SHCBP1: variants seen among roughly 807,000 people sequenced by gnomAD.
SHCBP1 encodes SHC binding and spindle associated 1, also known as SHC SH2 domain-binding protein 1.
In SHCBP1, 60 loss-of-function variants were observed where a neutral mutation model predicts 75.1. The ratio of observed to expected loss-of-function variants is 0.80; its 90% CI spans 0.65 to 0.99. The LOEUF (loss-of-function observed/expected upper bound fraction) is 0.99, where lower values mean the gene tolerates loss of function less well. Ranked by LOEUF, SHCBP1 falls within the 50% of genes least tolerant of loss-of-function variation. The probability of loss-of-function intolerance (pLI) is 0.00; values close to 1 mark genes in which losing one functional copy is unlikely to be tolerated. For synonymous variants in SHCBP1, 290 were observed against 293.2 expected (o/e 0.99, Z 0.11); for missense variants, 709 against 809.4 (o/e 0.88, Z 1.50).
At chr16:46,614,049 T>C (rs562535444) in intron 4 of SHCBP1, among the ~76,000 whole-genome samples, 24 of 152,336 alleles carry the variant, frequency 1.6e-4, no homozygotes, top group Admixed American at 1.4e-3. Flanking sequence ...TTATCAGTTA[T>C]CACTTTATCT....
intron 9 of SHCBP1, among the ~76,000 whole-genome samples, chr16:46,596,172 G>A (rs1315533788): frequency 6.6e-6 from 1 of 152,008 alleles, no homozygotes; most frequent in African/African-American, 2.4e-5. Context: ...TTTTACTGAA[G>A]GGTTAAGATT....
rs1055347375 is a variant in SHCBP1, at chr16:46,580,196, G to A, written c.*1533C>T. ...TTATCTTAAGGCATCACATCTAGAGGCAAAAATTAAAAAAAAGAATAAAAG... is the reference window on the plus strand; with the variant it reads ...TTATCTTAAGGCATCACATCTAGAGACAAAAATTAAAAAAAAGAATAAAAG... On this transcript the variant is annotated 3_prime_UTR_variant, in exon 13 of 13. Coordinates refer to ENST00000303383, the MANE Select transcript of SHCBP1 (RefSeq NM_024745.5). Among the ~76,000 whole-genome samples, 1 of 150,918 alleles carries A rather than the reference G, an allele frequency of 6.6e-6. No individual in the cohort carries two copies. Among genetic ancestry groups the A allele is most frequent in the African/African-American group, 2.4e-5 (1 of 41,022 alleles).
intron 1 of SHCBP1, among the ~76,000 whole-genome samples, chr16:46,618,974 C>G (rs1596693143): frequency 1.3e-5 from 2 of 152,326 alleles, no homozygotes; most frequent in Middle Eastern, 6.8e-3. Context: ...CTGACTTCCT[C>G]TCAGATGGGT....
chr16:46,616,498 T>C lies in SHCBP1; in HGVS notation c.388-344A>G, dbSNP rs1965502225. On this transcript the variant is annotated intron_variant, in intron 3 of 12. Transcript: ENST00000303383. This position sits in a 1 kb window ranked among gnomAD's most constrained non-coding sequence, Gnocchi z 4.4. Reference sequence around the variant, plus strand: ...AAGAGCTGGGAAAGCACAGAAGGCCTGTGGCAGAGACAGGCTTGGCAGCTG... The same window carrying C: ...AAGAGCTGGGAAAGCACAGAAGGCCCGTGGCAGAGACAGGCTTGGCAGCTG... Among the ~76,000 whole-genome samples the C allele has an allele frequency of 6.6e-6, 1 of 152,076 alleles. No homozygotes were observed. Among genetic ancestry groups the C allele is most frequent in the African/African-American group, 2.4e-5 (1 of 41,394 alleles).
chr16:46,608,587 A>G (rs1049277332), intron 4 of SHCBP1, among the ~76,000 whole-genome samples, 198 bp from the exon 5 acceptor site: 1 of 143,776 alleles, frequency 7.0e-6, no homozygotes, highest in African/African-American at 2.6e-5. Flanking sequence ...GTTTCTCCAC[A>G]CTGGTTTTGT....
chr16:46,595,320 G>T (rs1442008702), intron 10 of SHCBP1, among the ~76,000 whole-genome samples: 1 of 151,744 alleles, frequency 6.6e-6, no homozygotes, highest in Non-Finnish European at 1.5e-5. Flanking sequence ...TAATTTTAAG[G>T]GTCTAAACCT....
chr16:46,607,380 T>C (rs2143001011), intron 5 of SHCBP1, among the ~76,000 whole-genome samples: 1 of 152,248 alleles, frequency 6.6e-6, no homozygotes, highest in East Asian at 1.9e-4. Flanking sequence ...TCCTTCAGCC[T>C]CCCAAATTAC....
intron 8 of SHCBP1, among the ~76,000 whole-genome samples, chr16:46,602,319 A>G (rs1432747546): frequency 2.0e-5 from 3 of 152,206 alleles, no homozygotes; most frequent in Non-Finnish European, 4.4e-5. Context: ...TTACACACAT[A>G]AAATAAAAAA....
chr16:46,598,370 A>T (rs1425459892), intron 9 of SHCBP1, among the ~76,000 whole-genome samples: 1 of 152,240 alleles, frequency 6.6e-6, no homozygotes, highest in Non-Finnish European at 1.5e-5. Context: ...TATTATTAGC[A>T]GGCATGAAAA....
chr16:46,603,916 A>G, intron 7 of SHCBP1, 59 bp downstream of exon 7: 4 of 1,546,590 alleles, frequency 2.6e-6, no homozygotes, highest in African/African-American at 1.4e-5. Context: ...GGATTTGTGA[A>G]AACCTGTGGT....
intron 8 of SHCBP1, among the ~76,000 whole-genome samples, chr16:46,601,588 G>A (rs1336539425): frequency 6.6e-6 from 1 of 152,160 alleles, no homozygotes; most frequent in Non-Finnish European, 1.5e-5. Context: ...AGGCTTTGGG[G>A]GCCCTAGAGA....
intron 8 of SHCBP1, 79 bp from the exon 9 acceptor site, chr16:46,600,041 T>C (rs2142999994): frequency 2.6e-6 from 4 of 1,509,440 alleles, no homozygotes; most frequent in Middle Eastern, 1.7e-4. Context: ...CAAGTTTCTC[T>C]AGTTTAAATG....
intron 10 of SHCBP1, among the ~76,000 whole-genome samples, chr16:46,588,082 C>T (rs1033669937): frequency 5.9e-5 from 9 of 152,040 alleles, no homozygotes; most frequent in Admixed American, 2.6e-4. Context: ...GGGTACATAA[C>T]GAAATGAAGG....
chr16:46,603,772 T>G, intron 7 of SHCBP1, 113 bp from the exon 8 acceptor site: 1 of 1,416,296 alleles, frequency 7.1e-7, no homozygotes, highest in Non-Finnish European at 9.7e-7. Flanking sequence ...AAACTGCATA[T>G]TGAAGCATCT....
At chr16:46,620,450 G>C (rs890510160) in intron 1 of SHCBP1, 3 of 152,134 alleles carry the variant, frequency 2.0e-5, no homozygotes, top group Non-Finnish European at 4.4e-5. Context: ...CCCAATATAA[G>C]CGATGCCATG....
Position 46,618,385 on chromosome 16 carries a change from A to AG in SHCBP1, c.104-14dup, listed in dbSNP as rs1965536487. On this transcript the variant is annotated splice_polypyrimidine_tract_variant and intron_variant, in intron 1 of 12. Coordinates refer to ENST00000303383, the MANE Select transcript of SHCBP1 (RefSeq NM_024745.5). Reference sequence around the variant, plus strand: ...TCTTGGAACAAACCTAAAAAAAAAAAGCAAAAATAAGCAAGCTCCAGTGCC... The same window carrying AG: ...TCTTGGAACAAACCTAAAAAAAAAAAGGCAAAAATAAGCAAGCTCCAGTGCC... 6.4e-7 allele frequency: 1 copy of AG among 1,561,160 alleles called. No individual in the cohort carries two copies. The highest frequency in any genetic ancestry group is 1.4e-5 in the African/African-American group (1 of 71,950).
In SHCBP1 at chr16:46,579,670, C is replaced by T. The variant is rs1393182513; in HGVS notation, c.*2059G>A. ...CAAAAAAAAGGCCAGGCACGTGGCTCATGCCTGTAATCCCAGCACTTTGGG... is the reference window on the plus strand; with the variant it reads ...CAAAAAAAAGGCCAGGCACGTGGCTTATGCCTGTAATCCCAGCACTTTGGG... On this transcript the variant is annotated 3_prime_UTR_variant, in exon 13 of 13. Coordinates refer to ENST00000303383, the MANE Select transcript of SHCBP1 (RefSeq NM_024745.5). Among the ~76,000 whole-genome samples the T allele has an allele frequency of 2.0e-5, 3 of 151,876 alleles. No individual in the cohort carries two copies. Among genetic ancestry groups the T allele is most frequent in the Non-Finnish European group, 4.4e-5 (3 of 67,956 alleles).
rs1393890288 is a variant in SHCBP1 at position 46,583,665 on chromosome 16, A to G, written c.1552-8T>C. The G allele has an allele frequency of 3.1e-6, 5 of 1,596,522 alleles. No individual in the cohort carries two copies. Among genetic ancestry groups the G allele is most frequent in the African/African-American group, 2.7e-5 (2 of 73,712 alleles). Reference sequence around the variant, plus strand: ...ATGTTCATCTAAGAAGTCCTGTGACATTGAAAACAAATGTTTTAGGAACTG... The same window carrying G: ...ATGTTCATCTAAGAAGTCCTGTGACGTTGAAAACAAATGTTTTAGGAACTG... On this transcript the variant is annotated splice_polypyrimidine_tract_variant and splice_region_variant and intron_variant, in intron 11 of 12. Coordinates refer to ENST00000303383, the MANE Select transcript of SHCBP1 (RefSeq NM_024745.5).
chr16:46,593,944 C>G (rs1318221911), intron 10 of SHCBP1, among the ~76,000 whole-genome samples: 1 of 151,514 alleles, frequency 6.6e-6, no homozygotes, highest in African/African-American at 2.4e-5. Flanking sequence ...GTAGCTGAAA[C>G]AATTTTGAAA....
Sources: allele counts gnomAD v4.1 joint callset (sites outside exome capture counted in the v4.1 genomes callset), GRCh38; gene constraint gnomAD v4.1.1; non-coding constraint Gnocchi (gnomAD v3.1); transcripts MANE v1.5; gene names NCBI Gene and HGNC (gene_info 2026-07-23, HGNC 2026-07-21).